The following PEX3 variants were observed in gnomAD, a reference collection of about 807,000 sequenced individuals.
PEX3 encodes peroxin-3.
Under a neutral mutation model 55.8 loss-of-function variants are expected in PEX3, and 30 were observed. That is an observed-to-expected ratio of 0.54 (90% CI 0.40 to 0.73). The LOEUF is 0.73. PEX3 is among the 30% of genes least tolerant of loss of function. The pLI, the probability that PEX3 is intolerant of heterozygous loss-of-function variation, is 0.00. For missense variants in PEX3, 351 were observed against 432.8 expected (o/e 0.81, Z 1.68); for synonymous variants, 135 against 148.4 (o/e 0.91, Z 0.66).
Position 143,470,963 on chromosome 6 carries a change from T to A in PEX3, c.334T>A (p.Phe112Ile). 8.7e-6 allele frequency: 14 copies of A among 1,612,700 alleles called. No homozygotes were observed. The highest frequency in any genetic ancestry group is 1.2e-5 in the Non-Finnish European group (14 of 1,179,012). ...ATGCTTTTCTTTTCTCTGTGAAGGTTTCACAAGAAGTACTGTGGCTGTATA... is the reference window on the plus strand; with the variant it reads ...ATGCTTTTCTTTTCTCTGTGAAGGTATCACAAGAAGTACTGTGGCTGTATA... ...EIWEDLKIIS[F>I]TRSTVAVYST... The change falls in exon 5 of 12, where the codon TTC becomes ATC. Residue 112 changes from phenylalanine to isoleucine, a missense_variant and splice_region_variant. Physicochemically the swap from Phe to Ile is conservative, Grantham distance 21. Transcript: ENST00000367591.
At chr6:143,474,575 ATTTTAC>A (rs1485867980) in intron 8 of PEX3, among the ~76,000 whole-genome samples, 1 of 152,184 alleles carries the variant, frequency 6.6e-6, no homozygotes, top group African/African-American at 2.4e-5. Context: ...ACTAAGTATA[ATTTTAC>A]TTTTACTCAT....
chr6:143,474,156 A>G (rs1056689112), intron 8 of PEX3, among the ~76,000 whole-genome samples: 1 of 151,880 alleles, frequency 6.6e-6, no homozygotes, highest in African/African-American at 2.4e-5. Context: ...GTAAAATTAA[A>G]TTAAAAAAAA....
At position 143,479,357 on chromosome 6, in the gene PEX3, AG is replaced by A. The variant is rs1780200135; in HGVS notation, c.941+160del. On this transcript the variant is annotated intron_variant, in intron 10 of 11. Coordinates refer to ENST00000367591, the MANE Select transcript of PEX3 (RefSeq NM_003630.3). This position sits in a 1 kb window ranked among gnomAD's most constrained non-coding sequence, Gnocchi z 4.6. ...TTAAACCAACAACTTCTTCACTAGC[AG>A]AAGCTCCTTCTTGGTTTCAGTATTA... Among the ~76,000 whole-genome samples the A allele has an allele frequency of 6.6e-6, 1 of 152,126 alleles. No individual in the cohort carries two copies. Among genetic ancestry groups the A allele is most frequent in the Admixed American group, 6.5e-5 (1 of 15,270 alleles).
intron 4 of PEX3, among the ~76,000 whole-genome samples, chr6:143,469,618 C>T (rs969054858): frequency 6.6e-6 from 1 of 152,164 alleles, no homozygotes; most frequent in Non-Finnish European, 1.5e-5. Context: ...TTCTCCCATT[C>T]TGTAGGTTGC....
chr6:143,470,489 T>A (rs1407399697), intron 4 of PEX3, among the ~76,000 whole-genome samples: 1 of 152,288 alleles, frequency 6.6e-6, no homozygotes, highest in South Asian at 2.1e-4. Context: ...GAACACCCTG[T>A]CCTAAGCTAC....
chr6:143,451,235 A>T lies in PEX3; in HGVS notation c.73+120A>T. 2.5e-6 allele frequency: 2 copies of T among 792,150 alleles called. No individual in the cohort carries two copies. The highest frequency in any genetic ancestry group is 4.4e-6 in the Non-Finnish European group (2 of 451,634). The allele number at this position is 792,150 out of a possible 1,614,324, so 49.1% of individuals were successfully genotyped here. A position where few individuals can be genotyped will look rare whatever the true frequency, so the allele number is the denominator to read the frequency against. ...GGGATATGTAGAGGGAGTTCGATCA[A>T]CCATGGGATGAAAAGGGAGGTGGCC... On this transcript the variant is annotated intron_variant, in intron 1 of 11. Coordinates refer to ENST00000367591, the MANE Select transcript of PEX3 (RefSeq NM_003630.3). This position sits in a 1 kb window ranked among gnomAD's most constrained non-coding sequence, Gnocchi z 4.1.
rs138598961 is a variant in PEX3, at chr6:143,485,768, A to T, written c.1038+520A>T. ...AACTCCATCTTATTTCTTCATTTCC[A>T]TTTGGAATGCATGGAGTAATTCAGT... is the stretch of plus-strand genomic sequence containing the variant. On this transcript the variant is annotated intron_variant, in intron 11 of 11. Coordinates refer to ENST00000367591, the MANE Select transcript of PEX3 (RefSeq NM_003630.3). This position sits in a 1 kb window ranked among gnomAD's most constrained non-coding sequence, Gnocchi z 5.6. Among the ~76,000 whole-genome samples the T allele has an allele frequency of 1.2e-4, 18 of 152,238 alleles. No homozygotes were observed. In the East Asian group the frequency reaches 3.3e-3, roughly 28 times the overall value.
rs1378569326 is a variant in PEX3, at chr6:143,464,123, C to T, written c.287+1126C>T. 6.6e-6 allele frequency among the ~76,000 whole-genome samples: 1 copy of T among 152,020 alleles called. No individual in the cohort carries two copies. The highest frequency in any genetic ancestry group is 1.5e-5 in the Non-Finnish European group (1 of 67,922). On this transcript the variant is annotated intron_variant, in intron 3 of 11. Coordinates refer to ENST00000367591, the MANE Select transcript of PEX3 (RefSeq NM_003630.3). The surrounding 1 kb of genome is among the most constrained non-coding windows in gnomAD (Gnocchi z 5.8). ...TTCATACAGTTTTATGAAGAAGAAA[C>T]ATATAAGCAGATTGCTTTTGATCAA...
chr6:143,467,168 A>G (rs995122759), intron 3 of PEX3, among the ~76,000 whole-genome samples: 5 of 152,006 alleles, frequency 3.3e-5, no homozygotes, highest in African/African-American at 1.2e-4. Flanking sequence ...ACTGTTGTGT[A>G]TAGAGTGAGG....
At position 143,479,469 on chromosome 6, in the gene PEX3, G is replaced by GT. The variant is rs896800669; in HGVS notation, c.941+280dup. On this transcript the variant is annotated intron_variant, in intron 10 of 11. Transcript: ENST00000367591. This position sits in a 1 kb window ranked among gnomAD's most constrained non-coding sequence, Gnocchi z 4.6. ...TTCTATAAGTTGAATTCCAATTATT[G>GT]TTTTTTTTTAACTCTTTAGAATACA... is the stretch of plus-strand genomic sequence containing the variant. Among the ~76,000 whole-genome samples, 105 of 150,152 alleles carry GT rather than the reference G, an allele frequency of 7.0e-4. 1 individual carries two copies. Among genetic ancestry groups the GT allele is most frequent in the Non-Finnish European group, 4.7e-4 (32 of 67,386 alleles).
At chr6:143,470,674 T>G (rs1780060569) in intron 4 of PEX3, among the ~76,000 whole-genome samples, 1 of 152,242 alleles carries the variant, frequency 6.6e-6, no homozygotes, top group Admixed American at 6.5e-5. Flanking sequence ...TACAATTCTT[T>G]GTGCTTCCCA....
rs866418203 is a variant in PEX3 at position 143,489,248 on chromosome 6, C to T, written c.*22C>T. ...ATGATTTTTCCTTCAAGAAAAACTACAGTGGGATTCATTTACTTTTTAAAA... is the reference window on the plus strand; with the variant it reads ...ATGATTTTTCCTTCAAGAAAAACTATAGTGGGATTCATTTACTTTTTAAAA... On this transcript the variant is annotated 3_prime_UTR_variant, in exon 12 of 12. Transcript: ENST00000367591. The surrounding 1 kb of genome is among the most constrained non-coding windows in gnomAD (Gnocchi z 5.5). 6.2e-6 allele frequency: 8 copies of T among 1,296,860 alleles called. No individual in the cohort carries two copies. The Admixed American group carries it at 1.3e-4, about 22-fold the overall frequency. 80.3% of individuals were successfully genotyped at this position (1,296,860 alleles called of 1,614,324 possible).
At chr6:143,484,012 A>C (rs1034372146) in intron 10 of PEX3, among the ~76,000 whole-genome samples, 1 of 152,004 alleles carries the variant, frequency 6.6e-6, no homozygotes, top group African/African-American at 2.4e-5. Context: ...ATTCTTTTTT[A>C]AGCATTGCCT....
rs995169499 is a variant in PEX3, at chr6:143,479,747, A to G, written c.941+549A>G. Among the ~76,000 whole-genome samples, 1 of 152,106 alleles carries G rather than the reference A, an allele frequency of 6.6e-6. No homozygotes were observed. The highest frequency in any genetic ancestry group is 2.4e-5 in the African/African-American group (1 of 41,460). ...TTTTAATCATAACTATTACTAAATC[A>G]TGGACTTATGTATGCCATAAGGTAT... On this transcript the variant is annotated intron_variant, in intron 10 of 11. Coordinates refer to ENST00000367591, the MANE Select transcript of PEX3 (RefSeq NM_003630.3). This position sits in a 1 kb window ranked among gnomAD's most constrained non-coding sequence, Gnocchi z 4.6.
At chr6:143,472,697 G>A (rs758875475) in intron 8 of PEX3, among the ~76,000 whole-genome samples, 2 of 152,172 alleles carry the variant, frequency 1.3e-5, no homozygotes, top group Non-Finnish European at 2.9e-5. Flanking sequence ...ACATAGAGCT[G>A]AAGGTCAGGG....
intron 4 of PEX3, 36 bp downstream of exon 4, chr6:143,468,201 A>T (rs937488962): frequency 1.4e-6 from 2 of 1,384,160 alleles, no homozygotes; most frequent in Admixed American, 3.4e-5. Context: ...GCACATCCTT[A>T]AAATATTTAT....
rs1372852835 is a variant in PEX3 at position 143,472,251 on chromosome 6, T to G, written c.670T>G (p.Trp224Gly). Reference protein sequence around the residue: ...NLVEQHKSSSWINKDGSKPLL... With the variant: ...NLVEQHKSSSGINKDGSKPLL... The stretch of plus-strand genomic sequence containing the variant: ...CGTTGAGCAGCATAAGTCTTCTTCT[T>G]GGATTAATAAAGATGGATCCAAACC... The change falls in exon 8 of 12, where the codon TGG (tryptophan) becomes GGG (glycine). Residue 224 changes from tryptophan (W) to glycine (G), a missense_variant. By Grantham distance (184) the Trp-to-Gly change is radical (BLOSUM62 -2). Coordinates refer to ENST00000367591, the MANE Select transcript of PEX3 (RefSeq NM_003630.3). The G allele has an allele frequency of 1.2e-6, 2 of 1,608,842 alleles. No individual in the cohort carries two copies. Among genetic ancestry groups the G allele is most frequent in the South Asian group, 2.2e-5 (2 of 90,994 alleles).
chr6:143,459,051 T>G lies in PEX3; in HGVS notation c.74-34T>G. 1 of 1,461,488 alleles carries G rather than the reference T, an allele frequency of 6.8e-7. No homozygotes were observed. Among genetic ancestry groups the G allele is most frequent in the Non-Finnish European group, 9.6e-7 (1 of 1,043,070 alleles). 90.5% of individuals were successfully genotyped at this position (1,461,488 alleles called of 1,614,324 possible). On this transcript the variant is annotated intron_variant, in intron 1 of 11. Coordinates refer to ENST00000367591, the MANE Select transcript of PEX3 (RefSeq NM_003630.3). This position sits in a 1 kb window ranked among gnomAD's most constrained non-coding sequence, Gnocchi z 4.2. ...AAATACTGTGTAGAATTTTTGGTAC[T>G]CTAATGAATATAGTACTTTTTTAAT...
At position 143,451,334 on chromosome 6, in the gene PEX3, T is replaced by G. The variant is rs1040444680; in HGVS notation, c.73+219T>G. ...CTTTGCCCTGTCACCGACTCTTAAC[T>G]CTGTTTCTCACCTATCCTTTTTTCT... On this transcript the variant is annotated intron_variant, in intron 1 of 11. Transcript: ENST00000367591. This position sits in a 1 kb window ranked among gnomAD's most constrained non-coding sequence, Gnocchi z 4.1. Among the ~76,000 whole-genome samples the G allele has an allele frequency of 1.3e-5, 2 of 152,238 alleles. No individual in the cohort carries two copies. Among genetic ancestry groups the G allele is most frequent in the South Asian group, 2.1e-4 (1 of 4,820 alleles).
Sources: allele counts gnomAD v4.1 joint callset (sites outside exome capture counted in the v4.1 genomes callset), GRCh38; gene constraint gnomAD v4.1.1; non-coding constraint Gnocchi (gnomAD v3.1); transcripts MANE v1.5; gene names NCBI Gene and HGNC (gene_info 2026-07-23, HGNC 2026-07-21).